Variants in MAP2K4 observed in about 807,000 individuals in gnomAD.
MAP2K4 encodes mitogen-activated protein kinase kinase 4.
Under a neutral mutation model 48.5 loss-of-function variants are expected in MAP2K4, and 4 were observed. The ratio of observed to expected loss-of-function variants is 0.08; its 90% CI spans 0.04 to 0.19. MAP2K4 has a LOEUF of 0.19. Among genes scored for constraint, MAP2K4 ranks in the 10% least tolerant of loss-of-function variants. The pLI is 1.00. For synonymous variants in MAP2K4, 166 were observed against 173.1 expected, an observed-to-expected ratio of 0.96 and a Z score of 0.32; for missense variants, 258 against 493.3, an observed-to-expected ratio of 0.52 and a Z score of 4.52.
At position 12,140,136 on chromosome 17, in the gene MAP2K4, A is replaced by T. The variant is rs3213683; in HGVS notation, c.1086+252A>T. Among the ~76,000 whole-genome samples the T allele has an allele frequency of 4.2e-3, 644 of 152,326 alleles. 1 individual carries two copies. The highest frequency in any genetic ancestry group is 0.036 in the East Asian group (188 of 5,190). On this transcript the variant is annotated intron_variant, in intron 10 of 10. Coordinates refer to ENST00000353533, the MANE Select transcript of MAP2K4 (RefSeq NM_003010.4). ...ATGTTATAAAAATTACCCCCAAAGA[A>T]TTCTGACTTTAAGAAGCCATTTTCC... is the stretch of plus-strand genomic sequence containing the variant.
At chr17:12,140,399 A>T (rs968070935) in intron 10 of MAP2K4, among the ~76,000 whole-genome samples, 3 of 152,184 alleles carry the variant, frequency 2.0e-5, no homozygotes, top group African/African-American at 7.2e-5. Context: ...TTAAGAAAAG[A>T]TCCATTTGTT....
intron 1 of MAP2K4, among the ~76,000 whole-genome samples, chr17:12,035,995 C>G (rs752918644): frequency 6.6e-6 from 1 of 152,092 alleles, no homozygotes; most frequent in Non-Finnish European, 1.5e-5. Context: ...TGTGTGTTTA[C>G]ATGCACAAAT....
intron 3 of MAP2K4, among the ~76,000 whole-genome samples, chr17:12,088,266 A>G (rs1567653305): frequency 6.6e-6 from 1 of 151,848 alleles, no homozygotes; most frequent in Non-Finnish European, 1.5e-5. Context: ...TCCCCTTCAC[A>G]TTAATGACAG....
At chr17:12,048,985 A>C (rs888085042) in intron 1 of MAP2K4, among the ~76,000 whole-genome samples, 3 of 152,064 alleles carry the variant, frequency 2.0e-5, no homozygotes, top group African/African-American at 7.2e-5. Flanking sequence ...TGAGCTTATG[A>C]AATATTAGGT....
At position 12,061,895 on chromosome 17, in the gene MAP2K4, TG is replaced by T. The variant is rs1970459196; in HGVS notation, c.218+6905del. On this transcript the variant is annotated intron_variant, in intron 2 of 10. Coordinates refer to ENST00000353533, the MANE Select transcript of MAP2K4 (RefSeq NM_003010.4). ...TATATGAAGGTAACTTTTTTCAGTG[TG>T]TTTTTTTTTAAATTATCTACAACTG... Among the ~76,000 whole-genome samples, 5 of 145,536 alleles carry T rather than the reference TG, an allele frequency of 3.4e-5. No homozygotes were observed. In the Admixed American group the frequency reaches 3.4e-4, roughly 10 times the overall value.
chr17:12,023,860 T>TA (rs1417098110), intron 1 of MAP2K4, among the ~76,000 whole-genome samples: 1 of 152,178 alleles, frequency 6.6e-6, no homozygotes, highest in African/African-American at 2.4e-5. Flanking sequence ...GAATAACGCT[T>TA]ACCTCCCCGG....
intron 9 of MAP2K4, among the ~76,000 whole-genome samples, chr17:12,129,627 A>G (rs1870583): frequency 0.24 from 35,826 of 152,176 alleles, 4,668 homozygotes; most frequent in Non-Finnish European, 0.28. Flanking sequence ...TCACAATGCA[A>G]TTGCACCAAA....
intron 9 of MAP2K4, among the ~76,000 whole-genome samples, chr17:12,134,491 C>T (rs12942507): frequency 0.29 from 43,665 of 151,972 alleles, 6,746 homozygotes; most frequent in East Asian, 0.46. Flanking sequence ...TAAGTAACAC[C>T]GTTTAGTTAA....
intron 4 of MAP2K4, among the ~76,000 whole-genome samples, chr17:12,102,123 T>C (rs950501573): frequency 3.9e-5 from 6 of 152,152 alleles, no homozygotes; most frequent in African/African-American, 1.4e-4. Context: ...TCATTAAATA[T>C]GATATTAGCT....
intron 7 of MAP2K4, among the ~76,000 whole-genome samples, chr17:12,118,924 G>A (rs1330532257): frequency 1.3e-5 from 2 of 152,232 alleles, no homozygotes; most frequent in African/African-American, 2.4e-5. Flanking sequence ...ATATGTTAAA[G>A]TGAGAAAAAA....
At chr17:12,140,131 A>G (rs554861104) in intron 10 of MAP2K4, among the ~76,000 whole-genome samples, 1 of 152,346 alleles carries the variant, frequency 6.6e-6, no homozygotes, top group East Asian at 1.9e-4. Flanking sequence ...AATTACCCCC[A>G]AAGAATTCTG....
At chr17:12,092,702 T>C (rs1971600308) in intron 3 of MAP2K4, among the ~76,000 whole-genome samples, 1 of 152,208 alleles carries the variant, frequency 6.6e-6, no homozygotes, top group Non-Finnish European at 1.5e-5. Flanking sequence ...ATGATAAATG[T>C]TACAGTTCAA....
intron 9 of MAP2K4, among the ~76,000 whole-genome samples, chr17:12,135,162 C>T (rs1567676811): frequency 6.6e-6 from 1 of 152,170 alleles, no homozygotes; most frequent in South Asian, 2.1e-4. Context: ...GATCTCGGCT[C>T]ACCGCAGCCT....
In MAP2K4 at chr17:12,092,742, G is replaced by A. The variant is rs537642997; in HGVS notation, c.394-2833G>A. On this transcript the variant is annotated intron_variant, in intron 3 of 10. Coordinates refer to ENST00000353533, the MANE Select transcript of MAP2K4 (RefSeq NM_003010.4). ...AAAACATTAGTATAATTAAGAGTTA[G>A]CAGGTCGGTCACAGTGGCTCACGCC... is the stretch of plus-strand genomic sequence containing the variant. Among the ~76,000 whole-genome samples the A allele has an allele frequency of 2.0e-5, 3 of 152,204 alleles. No individual in the cohort carries two copies. In the East Asian group the frequency reaches 5.8e-4, roughly 30 times the overall value.
At chr17:12,025,660 A>C (rs1407706888) in intron 1 of MAP2K4, among the ~76,000 whole-genome samples, 1 of 152,180 alleles carries the variant, frequency 6.6e-6, no homozygotes, top group Non-Finnish European at 1.5e-5. Context: ...ATTTACCCTT[A>C]GCTGAGCATT....
chr17:12,033,199 T>G (rs1451549566), intron 1 of MAP2K4, among the ~76,000 whole-genome samples: 1 of 152,148 alleles, frequency 6.6e-6, no homozygotes, highest in Non-Finnish European at 1.5e-5. Flanking sequence ...AAATCTCATC[T>G]CAAGGAGACT....
intron 2 of MAP2K4, among the ~76,000 whole-genome samples, chr17:12,067,243 A>G (rs1360030126): frequency 1.3e-5 from 2 of 152,244 alleles, no homozygotes; most frequent in African/African-American, 4.8e-5. Context: ...ACAATGTTTT[A>G]GAGAACAACT....
At position 12,131,636 on chromosome 17, in the gene MAP2K4, G is replaced by A. The variant is rs115614024; in HGVS notation, c.1040+2349G>A. Among the ~76,000 whole-genome samples, 530 of 152,044 alleles carry A rather than the reference G, an allele frequency of 3.5e-3. 7 individuals carry two copies. The highest frequency in any genetic ancestry group is 0.012 in the African/African-American group (510 of 41,452). On this transcript the variant is annotated intron_variant, in intron 9 of 10. Transcript: ENST00000353533. ...GTTACATAAATTAAAAGCACATACAGGATAATATGGGAGAATGTTTTCATT... is the reference window on the plus strand; with the variant it reads ...GTTACATAAATTAAAAGCACATACAAGATAATATGGGAGAATGTTTTCATT...
chr17:12,133,517 T>C lies in MAP2K4; in HGVS notation c.1040+4230T>C, dbSNP rs576531360. 1.6e-3 allele frequency among the ~76,000 whole-genome samples: 250 copies of C among 152,336 alleles called. 1 individual carries two copies. The highest frequency in any genetic ancestry group is 5.4e-3 in the African/African-American group (223 of 41,586). ...ATTTTTGTCTCTAGGGCCTGTTCAGTGGTCACCAAGTGATTTTGCTCTCCT... is the reference window on the plus strand; with the variant it reads ...ATTTTTGTCTCTAGGGCCTGTTCAGCGGTCACCAAGTGATTTTGCTCTCCT... On this transcript the variant is annotated intron_variant, in intron 9 of 10. Coordinates refer to ENST00000353533, the MANE Select transcript of MAP2K4 (RefSeq NM_003010.4).
Sources: gnomAD v4.1 joint callset for allele counts (sites outside exome capture counted in the v4.1 genomes callset) on GRCh38, gnomAD v4.1.1 for gene constraint, MANE v1.5 for transcripts, NCBI Gene and HGNC (gene_info 2026-07-23, HGNC 2026-07-21) for gene names.